Variants in SMG8 observed in about 807,000 individuals in gnomAD.
The protein encoded by SMG8 is nonsense-mediated mRNA decay factor SMG8.
SMG8 carries 49 observed loss-of-function variants against 82.1 expected under a neutral mutation model. The observed-to-expected ratio is 0.60, with a 90% CI of 0.47 to 0.76. SMG8 has a LOEUF of 0.76. Ranked by LOEUF, SMG8 falls within the 30% of genes least tolerant of loss-of-function variation. The pLI, the probability that SMG8 is intolerant of heterozygous loss-of-function variation, is 0.00. For missense variants in SMG8, 969 were observed against 1,166.4 expected, an observed-to-expected ratio of 0.83 and a Z score of 2.46; for synonymous variants, 404 against 430.0, an observed-to-expected ratio of 0.94 and a Z score of 0.75.
At chr17:59,212,673 G>T (rs1438546665) in intron 2 of SMG8, 56 bp from the exon 3 acceptor site, 1 of 1,523,740 alleles carries the variant, frequency 6.6e-7, no homozygotes, top group African/African-American at 1.4e-5. Flanking sequence ...TTGTTAGAAT[G>T]AAGAATATTA....
Position 59,212,458 on chromosome 17 carries a change from T to C in SMG8, c.1877T>C (p.Ile626Thr), listed in dbSNP as rs745429817. The change falls in exon 2 of 4, where the codon ATC becomes ACC. Residue 626 changes from isoleucine (I) to threonine (T), a missense_variant. Physicochemically the swap from Ile to Thr is moderately conservative, Grantham distance 89 (BLOSUM62 -1). Coordinates refer to ENST00000300917, the MANE Select transcript of SMG8 (RefSeq NM_018149.7). The stretch of plus-strand genomic sequence containing the variant: ...GCACCTCGAGATGATCCCTTTGATA[T>C]CAAAGCAGCCAATTATGACTTCTAT... ...KQAPRDDPFD[I>T]KAANYDFYQL... is the part of the protein sequence containing the mutation. 1.2e-6 allele frequency: 2 copies of C among 1,608,096 alleles called. No homozygotes were observed. The highest frequency in any genetic ancestry group is 2.2e-5 in the East Asian group (1 of 44,736).
chr17:59,213,112 C>T lies in SMG8; in HGVS notation c.2289C>T (p.Phe763=). 1.9e-6 allele frequency: 3 copies of T among 1,614,226 alleles called. No homozygotes were observed. The highest frequency in any genetic ancestry group is 1.1e-5 in the South Asian group (1 of 91,084). The change falls in exon 3 of 4, where the codon TTC becomes TTT. Residue 763 remains phenylalanine, a synonymous_variant. Coordinates refer to ENST00000300917, the MANE Select transcript of SMG8 (RefSeq NM_018149.7). The part of the protein sequence containing the change: ...SNCPKGLLPK[F]SSWSLVKLGP... Reference sequence around the variant, plus strand: ...GCCCTAAAGGTCTCCTACCCAAATTCTCCAGCTGGTCTTTGGTTAAACTAG... The same window carrying T: ...GCCCTAAAGGTCTCCTACCCAAATTTTCCAGCTGGTCTTTGGTTAAACTAG...
chr17:59,212,617 C>T, intron 2 of SMG8, 112 bp from the exon 3 acceptor site: 1 of 1,457,242 alleles, frequency 6.9e-7, no homozygotes, highest in Non-Finnish European at 9.2e-7. Context: ...TAAACAGGAG[C>T]AAATTCTTTA....
At position 59,210,513 on chromosome 17, in the gene SMG8, C is replaced by T. The variant is rs377585166; in HGVS notation, c.462C>T (p.Thr154=). The T allele has an allele frequency of 6.4e-7, 1 of 1,566,684 alleles. No homozygotes were observed. The highest frequency in any genetic ancestry group is 8.6e-7 in the Non-Finnish European group (1 of 1,160,288). The change falls in exon 1 of 4, where the codon ACC becomes ACT. Residue 154 remains threonine (T), a synonymous_variant. Transcript: ENST00000300917. ...QESKVLYLLL[T]SICDNSQLLR... is the part of the protein sequence containing the mutation. ...GCAAAGTTCTGTATCTTCTCCTCAC[C>T]TCCATCTGTGACAATTCACAGCTTC... is the stretch of plus-strand genomic sequence containing the variant.
Position 59,211,769 on chromosome 17 carries a change from A to C in SMG8, c.1718A>C (p.Asp573Ala). 6.3e-7 allele frequency: 1 copy of C among 1,583,962 alleles called. No individual in the cohort carries two copies. The highest frequency in any genetic ancestry group is 1.4e-5 in the African/African-American group (1 of 74,060). ...HQLCEERSLT[D>A]QHCVHKFHSL... is the part of the protein sequence containing the mutation. ...CTCTGTGAGGAGAGGAGTTTAACTGATCAACACTGTGTGCACAAATTTCAC... is the reference window on the plus strand; with the variant it reads ...CTCTGTGAGGAGAGGAGTTTAACTGCTCAACACTGTGTGCACAAATTTCAC... The change falls in exon 1 of 4, where the codon GAT becomes GCT. Residue 573 changes from aspartate to alanine, a missense_variant. Asp to Ala is a moderately radical substitution (Grantham distance 126). This residue lies in a region of SMG8 where 662 missense variants were observed against 884.8 expected (regional missense o/e 0.75). Transcript: ENST00000300917.
In SMG8 at chr17:59,214,243, C is replaced by T. The variant is rs1007260649; in HGVS notation, c.2779-562C>T. Among the ~76,000 whole-genome samples, 7 of 151,928 alleles carry T rather than the reference C, an allele frequency of 4.6e-5. No individual in the cohort carries two copies. In the East Asian group the frequency reaches 1.2e-3, roughly 25 times the overall value. ...CGGAGGTTGCAGTGAGCCGAGATCG[C>T]GCCATTGCACTCCAGCCTGGGTGAC... On this transcript the variant is annotated intron_variant, in intron 3 of 3. Transcript: ENST00000300917.
Position 59,214,812 on chromosome 17 carries a change from C to T in SMG8, c.2786C>T (p.Pro929Leu), listed in dbSNP as rs1253261922. The stretch of plus-strand genomic sequence containing the variant: ...ACTACCTGTGTTTTTCAGGTTCAGC[C>T]AGGCCCACCACCATGTCCGGTATTC... ...LQIILMPQVQ[P>L]GPPPCPVFYP... The change falls in exon 4 of 4, where the codon CCA becomes CTA. Residue 929 changes from proline to leucine, a missense_variant. Pro to Leu is a moderately conservative substitution (Grantham distance 98, BLOSUM62 -3). Coordinates refer to ENST00000300917, the MANE Select transcript of SMG8 (RefSeq NM_018149.7). 4 of 872,618 alleles carry T rather than the reference C, an allele frequency of 4.6e-6. No homozygotes were observed. Among genetic ancestry groups the T allele is most frequent in the Non-Finnish European group, 8.0e-6 (4 of 501,612 alleles). The allele number at this position is 872,618 out of a possible 1,614,324, so 54.1% of individuals were successfully genotyped here. A position where few individuals can be genotyped will look rare whatever the true frequency, so the allele number is the denominator to read the frequency against.
chr17:59,212,091 G>C, intron 1 of SMG8: 1 of 424,890 alleles, frequency 2.4e-6, no homozygotes, highest in Non-Finnish European at 4.1e-6. Flanking sequence ...ACTTTGCCTT[G>C]GAGGATTTGT....
intron 1 of SMG8, 92 bp downstream of exon 1, chr17:59,211,902 T>A: frequency 8.5e-7 from 1 of 1,176,860 alleles, no homozygotes; most frequent in East Asian, 2.8e-5. Context: ...TGTATTGATA[T>A]TTTAGAAAGA....
Position 59,212,920 on chromosome 17 carries a change from G to C in SMG8, c.2097G>C (p.Leu699Phe). The C allele has an allele frequency of 6.2e-7, 1 of 1,614,080 alleles. No individual in the cohort carries two copies. The highest frequency in any genetic ancestry group is 8.5e-7 in the Non-Finnish European group (1 of 1,180,036). ...CGAGCCTGAGTTTAGCTTTGAGTTT[G>C]GGCCAATCCACAGATAGCTTAGGTA... ...ESTSLSLALSLGQSTDSLGTY... is the reference protein window; with the variant it reads ...ESTSLSLALSFGQSTDSLGTY... Residue 699 changes from leucine to phenylalanine, a missense_variant, in exon 3 of 4, where the codon TTG (leucine) becomes TTC (phenylalanine). This residue lies in a region of SMG8 where 662 missense variants were observed against 884.8 expected (regional missense o/e 0.75). Transcript: ENST00000300917.
chr17:59,212,651 C>T, intron 2 of SMG8, 78 bp from the exon 3 acceptor site: 2 of 1,492,364 alleles, frequency 1.3e-6, no homozygotes, highest in Non-Finnish European at 1.8e-6. Context: ...ACTTACACAT[C>T]AATTATTGAT....
At position 59,211,704 on chromosome 17, in the gene SMG8, A is replaced by C; in HGVS notation, c.1653A>C (p.Leu551Phe). 1 of 1,614,064 alleles carries C rather than the reference A, an allele frequency of 6.2e-7. No homozygotes were observed. The highest frequency in any genetic ancestry group is 8.5e-7 in the Non-Finnish European group (1 of 1,179,994). The part of the protein sequence containing the change: ...GPAFHKYAMQ[L>F]HEDCYKFWSN... ...CATTTCACAAATACGCCATGCAGTT[A>C]CATGAGGACTGCTACAAATTTTGGA... The change falls in exon 1 of 4, where the codon TTA becomes TTC. Residue 551 changes from leucine to phenylalanine, a missense_variant. Around this residue, in one of 3 missense-constraint regions of SMG8, gnomAD observed 662 missense variants for 884.8 expected, o/e 0.75. Transcript: ENST00000300917.
In SMG8 at chr17:59,212,776, A is replaced by G; in HGVS notation, c.1953A>G (p.Pro651=). 1.2e-6 allele frequency: 2 copies of G among 1,611,442 alleles called. No homozygotes were observed. Among genetic ancestry groups the G allele is most frequent in the South Asian group, 2.2e-5 (2 of 90,278 alleles). The change falls in exon 3 of 4, where the codon CCA becomes CCG. Residue 651 remains proline, a synonymous_variant. Transcript: ENST00000300917. ...GAAAATTGGATCATATCAATTTCCC[A>G]GTATTTGAACCAAGTACTCCAGATC... ...CCGKLDHINF[P]VFEPSTPDPA... is the part of the protein sequence containing the mutation.
chr17:59,210,189 G>A lies in SMG8; in HGVS notation c.138G>A (p.Glu46=), dbSNP rs780094316. The change falls in exon 1 of 4, where the codon GAG becomes GAA. Residue 46 remains glutamate (E), a synonymous_variant. Transcript: ENST00000300917. The stretch of plus-strand genomic sequence containing the variant: ...CGGAGCCTCCATGGCGGGAGGATGA[G>A]ATCTGCGTTGTGGGAATCTTCGGCA... ...GGPEPPWRED[E]ICVVGIFGKT... is the part of the protein sequence containing the mutation. The A allele has an allele frequency of 6.3e-7, 1 of 1,599,122 alleles. No individual in the cohort carries two copies. The highest frequency in any genetic ancestry group is 1.7e-5 in the Admixed American group (1 of 58,138).
chr17:59,211,954 C>A, intron 1 of SMG8, 144 bp downstream of exon 1: 2 of 670,528 alleles, frequency 3.0e-6, no homozygotes, highest in Non-Finnish European at 4.5e-6. Context: ...CGTTTTCTCT[C>A]CTGCTGTAAA....
Position 59,210,449 on chromosome 17 carries a change from A to T in SMG8, c.398A>T (p.Gln133Leu), listed in dbSNP as rs926838695. The T allele has an allele frequency of 4.1e-5, 66 of 1,607,974 alleles. No individual in the cohort carries two copies. Among genetic ancestry groups the T allele is most frequent in the Non-Finnish European group, 5.6e-5 (66 of 1,177,556 alleles). The change falls in exon 1 of 4, where the codon CAG becomes CTG. Residue 133 changes from glutamine (Q) to leucine (L), a missense_variant. Gln to Leu is a moderately radical substitution (Grantham distance 113). This residue lies in a region of SMG8 where 206 missense variants were observed against 190.5 expected (regional missense o/e 1.08). Transcript: ENST00000300917. Reference sequence around the variant, plus strand: ...GGTAACCGAACTGAGGCAGGCTCCCAGGACTACAGCCTTCTGCAGGCCTAC... The same window carrying T: ...GGTAACCGAACTGAGGCAGGCTCCCTGGACTACAGCCTTCTGCAGGCCTAC... ...AEGNRTEAGS[Q>L]DYSLLQAYYS...
At chr17:59,212,211 TACTTTC>T (rs1344213736) in intron 1 of SMG8, 124 bp from the exon 2 acceptor site, 12 of 665,980 alleles carry the variant, frequency 1.8e-5, no homozygotes, top group South Asian at 3.8e-5. Flanking sequence ...GTATTTTATA[TACTTTC>T]ACTTGCTTCT....
In SMG8 at chr17:59,211,284, G is replaced by A; in HGVS notation, c.1233G>A (p.Arg411=). ...GCCAGCTAGTGGATTTCACTCTTCGGGAATTCCTATGGCAGCATGTGGAGC... is the reference window on the plus strand; with the variant it reads ...GCCAGCTAGTGGATTTCACTCTTCGAGAATTCCTATGGCAGCATGTGGAGC... ...SSGQLVDFTL[R]EFLWQHVELV... The change falls in exon 1 of 4, where the codon CGG becomes CGA. Residue 411 remains arginine (R), a synonymous_variant. Transcript: ENST00000300917. 5.0e-6 allele frequency: 8 copies of A among 1,613,962 alleles called. No individual in the cohort carries two copies. Among genetic ancestry groups the A allele is most frequent in the Non-Finnish European group, 5.9e-6 (7 of 1,179,924 alleles).
rs780141766 is a variant in SMG8, at chr17:59,210,660, A to G, written c.609A>G (p.Leu203=). Residue 203 remains leucine, a synonymous_variant, in exon 1 of 4, where the codon CTA becomes CTG. Transcript: ENST00000300917. ...TGCAGTGCCTCAGTCTCCTTTACCT[A>G]TTCTCTGTCTGTCATATCTTGCTTC... ...EKLQCLSLLY[L]FSVCHILLLV... The G allele has an allele frequency of 5.0e-6, 8 of 1,613,944 alleles. No individual in the cohort carries two copies. The Admixed American group carries it at 6.7e-5, about 13-fold the overall frequency.
Sources: allele counts gnomAD v4.1 joint callset (sites outside exome capture counted in the v4.1 genomes callset), GRCh38; gene constraint gnomAD v4.1.1; regional missense constraint gnomAD v4.1.1; transcripts MANE v1.5; gene names NCBI Gene and HGNC (gene_info 2026-07-23, HGNC 2026-07-21).